The following AMTN variants were observed in gnomAD, a reference collection of about 807,000 sequenced individuals.
AMTN encodes the protein RSTI689.
In AMTN, 29 loss-of-function variants were observed where a neutral mutation model predicts 27.4. That is an observed-to-expected ratio of 1.06 (90% confidence interval 0.79 to 1.44). The LOEUF (loss-of-function observed/expected upper bound fraction) is 1.44, where lower values mean the gene tolerates loss of function less well. Among genes scored for constraint, AMTN ranks in the 40% most tolerant of loss-of-function variants. The pLI, the probability that AMTN is intolerant of heterozygous loss-of-function variation, is 0.00. For synonymous variants in AMTN, 86 were observed against 95.7 expected (o/e 0.90, Z 0.59); for missense variants, 247 against 248.8 (o/e 0.99, Z 0.05).
intron 8 of AMTN, 124 bp downstream of exon 8, chr4:70,531,424 T>A: frequency 7.9e-7 from 1 of 1,262,056 alleles, no homozygotes. Flanking sequence ...GCCCCTTTAC[T>A]CACTCACAGT....
At chr4:70,523,832 C>G (rs888689528) in intron 3 of AMTN, 36 bp from the exon 4 acceptor site, 2 of 1,554,610 alleles carry the variant, frequency 1.3e-6, no homozygotes, top group Non-Finnish European at 1.8e-6. Flanking sequence ...AAGCAGACAA[C>G]CTCTTGTCTC....
At chr4:70,521,500 A>G (rs943494413) in intron 2 of AMTN, among the ~76,000 whole-genome samples, 5 of 149,562 alleles carry the variant, frequency 3.3e-5, no homozygotes, top group African/African-American at 1.2e-4. Context: ...TCTGGCTACT[A>G]TACTAACAAT....
At chr4:70,530,959 AC>A in intron 7 of AMTN, 79 bp from the exon 8 acceptor site, 1 of 1,536,424 alleles carries the variant, frequency 6.5e-7, no homozygotes, top group Non-Finnish European at 8.8e-7. Context: ...TTCCATTCCT[AC>A]CCAAACTTGC....
At chr4:70,527,602 G>A (rs1736127129) in intron 5 of AMTN, among the ~76,000 whole-genome samples, 1 of 152,056 alleles carries the variant, frequency 6.6e-6, no homozygotes, top group South Asian at 2.1e-4. Context: ...CATAATTCCT[G>A]CACCAACTGT....
intron 2 of AMTN, 104 bp from the exon 3 acceptor site, chr4:70,522,651 C>T: frequency 9.3e-7 from 1 of 1,071,252 alleles, no homozygotes; most frequent in Non-Finnish European, 1.4e-6. Context: ...TACACAAAGC[C>T]TAAAAGATAG....
At position 70,532,579 on chromosome 4, in the gene AMTN, T is replaced by G. The variant is rs1056193490; in HGVS notation, c.*114T>G. Reference sequence around the variant, plus strand: ...ACACATTGGATAGTCTTAGAAGAAATTAATTCTTAATTTACCTGAAAATAT... The same window carrying G: ...ACACATTGGATAGTCTTAGAAGAAAGTAATTCTTAATTTACCTGAAAATAT... On this transcript the variant is annotated 3_prime_UTR_variant, in exon 9 of 9. Transcript: ENST00000339336. 6.5e-6 allele frequency: 6 copies of G among 926,554 alleles called. No individual in the cohort carries two copies. Among genetic ancestry groups the G allele is most frequent in the Non-Finnish European group, 9.8e-6 (6 of 615,046 alleles). The allele number at this position is 926,554 out of a possible 1,614,324, so 57.4% of individuals were successfully genotyped here.
At chr4:70,527,225 A>G (rs998586949) in intron 5 of AMTN, among the ~76,000 whole-genome samples, 1 of 152,238 alleles carries the variant, frequency 6.6e-6, no homozygotes, top group African/African-American at 2.4e-5. Flanking sequence ...ACCACATAGT[A>G]AACATGCGAT....
chr4:70,526,875 G>A (rs1224317765), intron 5 of AMTN, among the ~76,000 whole-genome samples: 1 of 152,144 alleles, frequency 6.6e-6, no homozygotes, highest in African/African-American at 2.4e-5. Context: ...CTACCACCAA[G>A]GGTTCCCATA....
chr4:70,521,638 C>CTTTTTTTTTTTTTTT (rs1560572106), intron 2 of AMTN, among the ~76,000 whole-genome samples: 1 of 78,956 alleles, frequency 1.3e-5, no homozygotes, highest in Admixed American at 1.4e-4. Context: ...ATACCAACCT[C>CTTTTTTTTTTTTTTT]TCTTTTTTTT....
intron 3 of AMTN, 124 bp from the exon 4 acceptor site, chr4:70,523,744 T>G: frequency 1.2e-6 from 1 of 809,430 alleles, no homozygotes; most frequent in Non-Finnish European, 2.0e-6. Flanking sequence ...GGCTTCATCT[T>G]TATTTACCTT....
intron 6 of AMTN, among the ~76,000 whole-genome samples, 164 bp from the exon 7 acceptor site, chr4:70,529,020 T>C (rs906775107): frequency 1.3e-5 from 2 of 152,218 alleles, no homozygotes; most frequent in Admixed American, 6.5e-5. Context: ...ATATGCTGAC[T>C]TGAGTTTTGT....
rs147390092 is a variant in AMTN, at chr4:70,531,053, G to A, written c.372G>A (p.Thr124=). 706 of 1,613,606 alleles carry A rather than the reference G, an allele frequency of 4.4e-4. No homozygotes were observed. The highest frequency in any genetic ancestry group is 5.2e-4 in the Non-Finnish European group (610 of 1,179,826). The change falls in exon 8 of 9, where the codon ACG becomes ACA. Residue 124 remains threonine (T), a synonymous_variant. Transcript: ENST00000339336. ...CCTCATTCCAGCCACAAATCTTCAC[G>A]AGCCTCATCATCCATTCCTTGTTCC... ...LSSEELPQIF[T]SLIIHSLFPG...
At chr4:70,531,358 A>C in intron 8 of AMTN, 58 bp downstream of exon 8, 4 of 1,597,774 alleles carry the variant, frequency 2.5e-6, no homozygotes, top group Non-Finnish European at 3.4e-6. Flanking sequence ...TGCAGAATGG[A>C]AAAGAGGAGT....
At chr4:70,526,946 C>T (rs560361806) in intron 5 of AMTN, among the ~76,000 whole-genome samples, 1 of 152,292 alleles carries the variant, frequency 6.6e-6, no homozygotes, top group African/African-American at 2.4e-5. Flanking sequence ...TGCAGAGTGG[C>T]TTATTATCTC....
Position 70,521,640 on chromosome 4 carries a change from C to CTTTTTTTTTTTTTTTTTTTTT in AMTN, c.55-1099_55-1079dup, listed in dbSNP as rs763143860. ...CCTAGAACAGATAATACCAACCTCT[C>CTTTTTTTTTTTTTTTTTTTTT]TTTTTTTTTTTTTTTTTTTTTTTTT... On this transcript the variant is annotated intron_variant, in intron 2 of 8. Coordinates refer to ENST00000339336, the MANE Select transcript of AMTN (RefSeq NM_212557.4). Among the ~76,000 whole-genome samples the CTTTTTTTTTTTTTTTTTTTTT allele has an allele frequency of 1.4e-4, 11 of 76,468 alleles. 2 individuals are homozygous for CTTTTTTTTTTTTTTTTTTTTT. Among genetic ancestry groups the CTTTTTTTTTTTTTTTTTTTTT allele is most frequent in the East Asian group, 1.1e-3 (2 of 1,886 alleles). The allele number at this position is 76,468 out of a possible 152,430, so 50.2% of individuals were successfully genotyped here.
intron 4 of AMTN, among the ~76,000 whole-genome samples, chr4:70,524,439 T>A (rs979121486): frequency 6.6e-6 from 1 of 152,204 alleles, no homozygotes; most frequent in Non-Finnish European, 1.5e-5. Flanking sequence ...AGTGGTCAAA[T>A]TTAAATATAG....
intron 6 of AMTN, 43 bp downstream of exon 6, chr4:70,528,801 G>A: frequency 6.7e-7 from 1 of 1,498,968 alleles, no homozygotes; most frequent in Non-Finnish European, 9.0e-7. Context: ...AAATCACCTT[G>A]CTGTGAAAGG....
At chr4:70,519,038 A>T (rs1037217621) in intron 2 of AMTN, among the ~76,000 whole-genome samples, 13 of 152,226 alleles carry the variant, frequency 8.5e-5, no homozygotes, top group African/African-American at 2.9e-4. Flanking sequence ...TTTTAAATGC[A>T]TCCACTCCAT....
At chr4:70,529,311 T>G in intron 7 of AMTN, 101 bp downstream of exon 7, 2 of 788,486 alleles carry the variant, frequency 2.5e-6, no homozygotes, top group Non-Finnish European at 3.7e-6. Context: ...AAATATGGTA[T>G]GTACTACAAT....
Sources: allele counts gnomAD v4.1 joint callset (sites outside exome capture counted in the v4.1 genomes callset), GRCh38; gene constraint gnomAD v4.1.1; transcripts MANE v1.5; gene names NCBI Gene and HGNC (gene_info 2026-07-23, HGNC 2026-07-21).